HRH1: variants seen among roughly 807,000 people sequenced by gnomAD.
HRH1 encodes histamine H1 receptor.
HRH1 carries 6 observed loss-of-function variants against 10.3 expected under a neutral mutation model. That is an observed-to-expected ratio of 0.58 (90% confidence interval 0.32 to 1.15). HRH1 has a LOEUF of 1.15. Among genes scored for constraint, HRH1 ranks in the 50% most tolerant of loss-of-function variants. The pLI, the probability that HRH1 is intolerant of heterozygous loss-of-function variation, is 0.05. For synonymous variants in HRH1, 242 were observed against 236.7 expected, an observed-to-expected ratio of 1.02 and a Z score of -0.21; for missense variants, 514 against 615.3, an observed-to-expected ratio of 0.84 and a Z score of 1.74.
chr3:11,210,203 CA>C (rs908034601), intron 1 of HRH1, among the ~76,000 whole-genome samples: 1 of 151,954 alleles, frequency 6.6e-6, no homozygotes, highest in Non-Finnish European at 1.5e-5. Context: ...GCAACCTGGG[CA>C]ACATGGTGAA....
chr3:11,190,184 C>T (rs1229079102), intron 1 of HRH1, among the ~76,000 whole-genome samples: 1 of 151,804 alleles, frequency 6.6e-6, no homozygotes, highest in African/African-American at 2.4e-5. Flanking sequence ...TGTCCCAGCC[C>T]AGAATGTCCA....
chr3:11,171,517 T>C (rs1022175194), intron 1 of HRH1, among the ~76,000 whole-genome samples: 2 of 152,146 alleles, frequency 1.3e-5, no homozygotes, highest in African/African-American at 2.4e-5. Flanking sequence ...TTTTAAGAAA[T>C]GCAGAGTCCC....
chr3:11,242,187 A>G (rs1000321277), intron 1 of HRH1, among the ~76,000 whole-genome samples: 2 of 152,050 alleles, frequency 1.3e-5, no homozygotes. Flanking sequence ...CATCTTTAAG[A>G]GCTCTAACAC....
intron 1 of HRH1, among the ~76,000 whole-genome samples, chr3:11,235,598 T>A (rs347615): frequency 0.55 from 83,606 of 152,076 alleles, 24,353 homozygotes; most frequent in East Asian, 0.67. Context: ...ACTGACACCA[T>A]GGGGGTGGGT....
intron 1 of HRH1, among the ~76,000 whole-genome samples, chr3:11,166,104 T>C (rs955021844): frequency 6.6e-6 from 1 of 152,108 alleles, no homozygotes. Flanking sequence ...CCCAGACACA[T>C]CTTGTGTATC....
At chr3:11,142,775 A>G (rs1936317039) in intron 1 of HRH1, among the ~76,000 whole-genome samples, 1 of 152,146 alleles carries the variant, frequency 6.6e-6, no homozygotes, top group African/African-American at 2.4e-5. Context: ...TTAGCTGAGC[A>G]TGGTGGCAGG....
chr3:11,189,512 A>G (rs1024662598), intron 1 of HRH1, among the ~76,000 whole-genome samples: 15 of 152,264 alleles, frequency 9.9e-5, no homozygotes, highest in Admixed American at 9.8e-4. Context: ...CAAGTTTCGC[A>G]ATTCTCTAGG....
chr3:11,254,648 G>A (rs80021486), intron 1 of HRH1, among the ~76,000 whole-genome samples: 1,999 of 152,268 alleles, frequency 0.013, 26 homozygotes, highest in Non-Finnish European at 0.018. Context: ...ACAAAGCAGC[G>A]GGCTGCGTCT....
chr3:11,203,741 C>T (rs958808431), intron 1 of HRH1, among the ~76,000 whole-genome samples: 3 of 152,208 alleles, frequency 2.0e-5, no homozygotes, highest in African/African-American at 7.2e-5. Context: ...ATATTAATTA[C>T]TGTAGCTTTA....
At chr3:11,147,980 G>T (rs990793291) in intron 1 of HRH1, among the ~76,000 whole-genome samples, 2 of 152,066 alleles carry the variant, frequency 1.3e-5, no homozygotes, top group Admixed American at 1.3e-4. Context: ...AAGTGATCAA[G>T]ACCATCCTGG....
chr3:11,223,095 G>T (rs1938762364), intron 1 of HRH1, among the ~76,000 whole-genome samples: 1 of 138,628 alleles, frequency 7.2e-6, no homozygotes, highest in Non-Finnish European at 1.5e-5. Flanking sequence ...TGCGGCAGGA[G>T]AATCGCTTGA....
chr3:11,204,965 C>T (rs936066877), intron 1 of HRH1, among the ~76,000 whole-genome samples: 1 of 152,206 alleles, frequency 6.6e-6, no homozygotes, highest in African/African-American at 2.4e-5. Flanking sequence ...GGCTTCTGGC[C>T]TGTCTCTGTG....
chr3:11,165,950 G>A lies in HRH1; in HGVS notation c.-36+11396G>A, dbSNP rs1229295039. On this transcript the variant is annotated intron_variant, in intron 1 of 1. Coordinates refer to ENST00000431010, the MANE Select transcript of HRH1 (RefSeq NM_001098212.2). Reference sequence around the variant, plus strand: ...GCGTCTCCTGTGTATGGGGCTTTGTGCTGAGAACTTTATATTTGTCGTTTC... The same window carrying A: ...GCGTCTCCTGTGTATGGGGCTTTGTACTGAGAACTTTATATTTGTCGTTTC... 2.6e-5 allele frequency among the ~76,000 whole-genome samples: 4 copies of A among 152,200 alleles called. No individual in the cohort carries two copies. The East Asian group carries it at 5.8e-4, about 22-fold the overall frequency.
At chr3:11,137,838 T>TA (rs1936212744) in intron 1 of HRH1, among the ~76,000 whole-genome samples, 1 of 152,158 alleles carries the variant, frequency 6.6e-6, no homozygotes, top group Non-Finnish European at 1.5e-5. Flanking sequence ...AGGCCACTGA[T>TA]ACACTTTCTT....
intron 1 of HRH1, chr3:11,226,245 A>G (rs1196277786): frequency 6.6e-6 from 1 of 152,140 alleles, no homozygotes; most frequent in African/African-American, 2.4e-5. Context: ...TCTCGTGGGC[A>G]TTTGCCAGGC....
rs113202543 is a variant in HRH1 at position 11,242,914 on chromosome 3, C to CTT, written c.-35-16080_-35-16079dup. On this transcript the variant is annotated intron_variant, in intron 1 of 1. Coordinates refer to ENST00000431010, the MANE Select transcript of HRH1 (RefSeq NM_001098212.2). ...CTGTTCTGTATTGGTTTGGGTCTCT[C>CTT]TTTTTTTTTTCCTTTTTTTAGATGG... Among the ~76,000 whole-genome samples the CTT allele has an allele frequency of 3.1e-4, 46 of 149,154 alleles. No homozygotes were observed. The East Asian group carries it at 8.1e-3, about 26-fold the overall frequency.
intron 1 of HRH1, among the ~76,000 whole-genome samples, chr3:11,236,211 G>A (rs937690499): frequency 6.6e-6 from 1 of 152,220 alleles, no homozygotes; most frequent in Admixed American, 6.5e-5. Flanking sequence ...TTGGGAGACT[G>A]AGGCAAGTGG....
In HRH1 at chr3:11,234,522, G is replaced by A. The variant is rs1939122924; in HGVS notation, c.-35-24481G>A. The A allele has an allele frequency of 2.2e-5, 32 of 1,424,414 alleles. 1 individual carries two copies. The South Asian group carries it at 2.9e-4, about 13-fold the overall frequency. The allele number at this position is 1,424,414 out of a possible 1,614,324, so 88.2% of individuals were successfully genotyped here. A position where few individuals can be genotyped will look rare whatever the true frequency, so the allele number is the denominator to read the frequency against. On this transcript the variant is annotated intron_variant, in intron 1 of 1. Coordinates refer to ENST00000431010, the MANE Select transcript of HRH1 (RefSeq NM_001098212.2). ...CCGCTGGCCATTCCCCCAAGGCATG[G>A]ACGGTTCCAGTTAATGTCTTCATTG...
At chr3:11,234,974 G>A (rs1939137912) in intron 1 of HRH1, among the ~76,000 whole-genome samples, 1 of 152,162 alleles carries the variant, frequency 6.6e-6, no homozygotes, top group Admixed American at 6.5e-5. Flanking sequence ...CCAGCACTTT[G>A]GGAGGCTGAG....
Sources: allele counts gnomAD v4.1 joint callset (sites outside exome capture counted in the v4.1 genomes callset), GRCh38; gene constraint gnomAD v4.1.1; transcripts MANE v1.5; gene names NCBI Gene and HGNC (gene_info 2026-07-23, HGNC 2026-07-21).